Variants in METTL21A observed in about 807,000 individuals in gnomAD.
METTL21A encodes protein N-lysine methyltransferase METTL21A.
METTL21A carries 22 observed loss-of-function variants against 20.9 expected under a neutral mutation model. That is an observed-to-expected ratio of 1.05 (90% CI 0.75 to 1.50). METTL21A has a LOEUF of 1.50. Ranked by LOEUF, METTL21A falls within the 40% of genes most tolerant of loss-of-function variation. METTL21A has a pLI of 0.00. For missense variants in METTL21A, 271 were observed against 266.8 expected, an observed-to-expected ratio of 1.02 and a Z score of -0.11; for synonymous variants, 93 against 102.0, an observed-to-expected ratio of 0.91 and a Z score of 0.53.
intron 1 of METTL21A, 52 bp from the exon 2 acceptor site, chr2:207,624,456 T>C: frequency 7.0e-7 from 1 of 1,424,480 alleles, no homozygotes; most frequent in Non-Finnish European, 9.3e-7. Context: ...ATACATTATC[T>C]GTTCTTAACT....
intron 3 of METTL21A, chr2:207,600,212 G>T (rs554424001): frequency 1.2e-5 from 2 of 166,728 alleles, no homozygotes; most frequent in African/African-American, 5.0e-5. Flanking sequence ...TCTTGGGGGG[G>T]GTGGCATTTG....
intron 3 of METTL21A, chr2:207,596,785 C>T: frequency 3.7e-6 from 4 of 1,072,584 alleles, no homozygotes; most frequent in East Asian, 2.8e-5. Context: ...ATATCTTTTC[C>T]AATGCTTAAT....
intron 2 of METTL21A, among the ~76,000 whole-genome samples, chr2:207,622,327 C>T (rs2090596050): frequency 6.6e-6 from 1 of 152,068 alleles, no homozygotes; most frequent in Non-Finnish European, 1.5e-5. Flanking sequence ...ACCACCACAC[C>T]CAGCTAATTT....
intron 3 of METTL21A, among the ~76,000 whole-genome samples, chr2:207,587,624 A>G (rs1249836149): frequency 1.3e-5 from 2 of 152,300 alleles, no homozygotes; most frequent in East Asian, 3.9e-4. Context: ...AAAAGAATGA[A>G]AATACATCAT....
intron 3 of METTL21A, chr2:207,599,589 G>C (rs1194776978): frequency 2.0e-5 from 4 of 198,130 alleles, no homozygotes; most frequent in Non-Finnish European, 4.2e-5. Flanking sequence ...GTTGCTTAAT[G>C]ATGAGGTGAG....
chr2:207,583,165 AT>A (rs2083245791), intron 3 of METTL21A, among the ~76,000 whole-genome samples: 2 of 152,182 alleles, frequency 1.3e-5, no homozygotes, highest in Non-Finnish European at 2.9e-5. Flanking sequence ...AGGGGGATTC[AT>A]ATAGGTTATA....
At chr2:207,623,369 CATTA>C (rs376805183) in intron 2 of METTL21A, among the ~76,000 whole-genome samples, 9 of 152,324 alleles carry the variant, frequency 5.9e-5, no homozygotes, top group East Asian at 5.8e-4. Flanking sequence ...ATGCATTCAA[CATTA>C]ATTGAGTTCC....
rs1277967410 is a variant in METTL21A, at chr2:207,624,411, T to C, written c.-29-7A>G. ...CCCCGCCCTCTGCTCAGACCTGCCG[T>C]GCAAAAGAATCCTGGGTGACGCTCT... On this transcript the variant is annotated splice_polypyrimidine_tract_variant and splice_region_variant and intron_variant, in intron 1 of 3. Transcript: ENST00000406927. 2 of 1,592,424 alleles carry C rather than the reference T, an allele frequency of 1.3e-6. No homozygotes were observed. The highest frequency in any genetic ancestry group is 8.5e-7 in the Non-Finnish European group (1 of 1,171,780).
chr2:207,620,772 G>A (rs756577369), intron 3 of METTL21A: 17 of 1,357,192 alleles, frequency 1.3e-5, no homozygotes, highest in Middle Eastern at 1.8e-4. Flanking sequence ...GCTCCCTGTC[G>A]AATTTTGGAA....
At chr2:207,581,892 G>C in exon 4 of METTL21A, 1 of 702,892 alleles carries the variant, frequency 1.4e-6, no homozygotes, top group Non-Finnish European at 2.6e-6. Flanking sequence ...CTTTTGAAGA[G>C]TAGTGATCTG....
intron 3 of METTL21A, among the ~76,000 whole-genome samples, chr2:207,596,060 A>G (rs2086099978): frequency 6.6e-6 from 1 of 152,202 alleles, no homozygotes; most frequent in African/African-American, 2.4e-5. Context: ...GCCAAATCCA[A>G]TGTCAGAGAG....
At chr2:207,602,993 G>GT (rs2087353525) in intron 3 of METTL21A, 1 of 213,678 alleles carries the variant, frequency 4.7e-6, no homozygotes, top group Admixed American at 5.9e-5. Context: ...TGGCTTTTTG[G>GT]TTTTTGAGGG....
downstream of METTL21A, among the ~76,000 whole-genome samples, chr2:207,607,176 CAA>C (rs1219595461): frequency 6.6e-6 from 1 of 152,006 alleles, no homozygotes; most frequent in Admixed American, 6.6e-5. Context: ...ATCACGAGGT[CAA>C]GAGTTCAAGA....
chr2:207,601,774 G>A, intron 3 of METTL21A: 1 of 218,434 alleles, frequency 4.6e-6, no homozygotes, highest in Non-Finnish European at 9.2e-6. Flanking sequence ...GAAGGAGAAA[G>A]TAAAGTGTGC....
intron 3 of METTL21A, among the ~76,000 whole-genome samples, chr2:207,604,007 A>G (rs758045223): frequency 2.0e-5 from 3 of 152,196 alleles, no homozygotes; most frequent in African/African-American, 7.2e-5. Context: ...AATGAATTTC[A>G]TTTATTTTCT....
chr2:207,621,781 T>A, intron 3 of METTL21A, 25 bp downstream of exon 3: 1 of 1,587,994 alleles, frequency 6.3e-7, no homozygotes. Flanking sequence ...TTCTGCTCAC[T>A]AAGGAGTCAA....
At chr2:207,620,611 TA>T in intron 3 of METTL21A, 1 of 1,460,906 alleles carries the variant, frequency 6.8e-7, no homozygotes, top group Non-Finnish European at 9.1e-7. Context: ...AAATAATACC[TA>T]ACATACACGG....
intron 3 of METTL21A, among the ~76,000 whole-genome samples, chr2:207,614,843 G>A (rs761748000): frequency 4.6e-4 from 70 of 152,260 alleles, no homozygotes; most frequent in Non-Finnish European, 7.6e-4. Flanking sequence ...CAGAAATTCT[G>A]AAATTTAAAA....
At chr2:207,600,278 T>G (rs148160448) in intron 3 of METTL21A, 7 of 170,252 alleles carry the variant, frequency 4.1e-5, no homozygotes, top group African/African-American at 1.7e-4. Context: ...CAGTATATAA[T>G]CTAAAGCTCT....
Sources: allele counts gnomAD v4.1 joint callset (sites outside exome capture counted in the v4.1 genomes callset), GRCh38; gene constraint gnomAD v4.1.1; transcripts MANE v1.5; gene names NCBI Gene and HGNC (gene_info 2026-07-23, HGNC 2026-07-21).